The following ASCC3 variants were observed in gnomAD, a reference collection of about 807,000 sequenced individuals.
ASCC3 encodes activating signal cointegrator 1 complex subunit 3.
Under a neutral mutation model 256.3 loss-of-function variants are expected in ASCC3, and 158 were observed. The observed-to-expected ratio is 0.62, with a 90% CI of 0.54 to 0.70. ASCC3 has a LOEUF of 0.70. ASCC3 is among the 30% of genes least tolerant of loss of function. The pLI is 0.00. For missense variants in ASCC3, 2,259 were observed against 2,626.0 expected (o/e 0.86, Z 3.05); for synonymous variants, 948 against 883.4 (o/e 1.07, Z -1.30).
At chr6:100,875,257 G>A (rs140014953) in intron 1 of ASCC3, among the ~76,000 whole-genome samples, 1 of 152,326 alleles carries the variant, frequency 6.6e-6, no homozygotes, top group Non-Finnish European at 1.5e-5. Context: ...TTTAAAGAAG[G>A]AGAAAGGAGC....
intron 13 of ASCC3, among the ~76,000 whole-genome samples, chr6:100,692,979 C>A (rs1582707578): frequency 6.6e-6 from 1 of 151,644 alleles, no homozygotes; most frequent in Admixed American, 6.6e-5. Context: ...ATATAACCTA[C>A]AATTTAAGGA....
chr6:100,809,483 A>G (rs969109634), intron 4 of ASCC3, among the ~76,000 whole-genome samples: 2 of 152,104 alleles, frequency 1.3e-5, no homozygotes, highest in Admixed American at 1.3e-4. Flanking sequence ...CAGTTCTATT[A>G]TAATCTTACA....
At chr6:100,640,709 A>G (rs1177450199) in intron 24 of ASCC3, among the ~76,000 whole-genome samples, 1 of 152,214 alleles carries the variant, frequency 6.6e-6, no homozygotes, top group Non-Finnish European at 1.5e-5. Flanking sequence ...ATCACTAGAT[A>G]CTACAATCTC....
intron 8 of ASCC3, among the ~76,000 whole-genome samples, chr6:100,767,729 C>T (rs1487721175): frequency 1.3e-5 from 2 of 151,930 alleles, no homozygotes; most frequent in Admixed American, 6.6e-5. Context: ...CTGCCTCAGC[C>T]TCCCGAGTAG....
chr6:100,531,152 A>C, intron 37 of ASCC3: 52 of 739,156 alleles, frequency 7.0e-5, no homozygotes, highest in Non-Finnish European at 9.3e-5. Context: ...ATCAATTCTC[A>C]CAATTCAGAC....
intron 14 of ASCC3, among the ~76,000 whole-genome samples, chr6:100,670,212 T>A (rs1471556525): frequency 6.6e-6 from 1 of 151,954 alleles, no homozygotes; most frequent in African/African-American, 2.4e-5. Context: ...TGAAGTACCA[T>A]TTTTTGCCTG....
intron 14 of ASCC3, among the ~76,000 whole-genome samples, chr6:100,676,762 T>TCACACACA (rs75606780): frequency 1.3e-5 from 2 of 150,628 alleles, no homozygotes; most frequent in African/African-American, 4.9e-5. Context: ...ACACACACAC[T>TCACACACA]CACACACACA....
chr6:100,835,776 A>G (rs903370216), intron 4 of ASCC3, among the ~76,000 whole-genome samples: 1 of 152,022 alleles, frequency 6.6e-6, no homozygotes, highest in East Asian at 1.9e-4. Context: ...TGTTTTTTCT[A>G]TTTCTGTAAA....
intron 13 of ASCC3, among the ~76,000 whole-genome samples, chr6:100,714,305 G>C (rs1195773714): frequency 6.6e-6 from 1 of 152,020 alleles, no homozygotes; most frequent in East Asian, 1.9e-4. Context: ...TTTAAAGAAA[G>C]AATATTGGCA....
intron 10 of ASCC3, among the ~76,000 whole-genome samples, chr6:100,748,233 C>T (rs1254994715): frequency 6.6e-6 from 1 of 151,602 alleles, no homozygotes; most frequent in East Asian, 1.9e-4. Context: ...TTGTAAGAGC[C>T]AGGCCTAGTT....
intron 30 of ASCC3, among the ~76,000 whole-genome samples, chr6:100,612,038 C>G (rs1229553745): frequency 1.3e-5 from 2 of 151,886 alleles, no homozygotes; most frequent in Non-Finnish European, 2.9e-5. Context: ...TTATACGTAA[C>G]AGAAAAACAG....
At chr6:100,509,827 G>GCAGTGAGCAGAGATCGCGCCAC (rs1773668700) in intron 41 of ASCC3, 105 bp downstream of exon 41, 5 of 1,170,450 alleles carry the variant, frequency 4.3e-6, no homozygotes, top group African/African-American at 1.6e-5. Flanking sequence ...GGCGGAGCTT[G>GCAGTGAGCAGAGATCGCGCCAC]CAGTGAGCAG....
At chr6:100,615,820 T>C (rs1773640865) in intron 30 of ASCC3, among the ~76,000 whole-genome samples, 1 of 152,202 alleles carries the variant, frequency 6.6e-6, no homozygotes. Flanking sequence ...AAACATTCAG[T>C]GCTCAGCAAA....
chr6:100,579,879 T>C (rs1771112223), intron 36 of ASCC3, among the ~76,000 whole-genome samples: 1 of 152,170 alleles, frequency 6.6e-6, no homozygotes, highest in South Asian at 2.1e-4. Flanking sequence ...ATTGGTAGTT[T>C]GTTAGAGATA....
chr6:100,784,713 T>G (rs1782610458), intron 8 of ASCC3, among the ~76,000 whole-genome samples: 1 of 152,074 alleles, frequency 6.6e-6, no homozygotes, highest in Non-Finnish European at 1.5e-5. Flanking sequence ...AAAGACATTT[T>G]CACTTTCTAT....
At chr6:100,770,556 T>C (rs1781868550) in intron 8 of ASCC3, among the ~76,000 whole-genome samples, 1 of 151,946 alleles carries the variant, frequency 6.6e-6, no homozygotes, top group South Asian at 2.1e-4. Flanking sequence ...AAAATACCTG[T>C]ATTTAGAGAT....
At chr6:100,794,453 C>G (rs985779040) in intron 8 of ASCC3, among the ~76,000 whole-genome samples, 1 of 152,050 alleles carries the variant, frequency 6.6e-6, no homozygotes, top group African/African-American at 2.4e-5. Flanking sequence ...TGTATGCTTT[C>G]ATATCCTTCA....
intron 10 of ASCC3, among the ~76,000 whole-genome samples, chr6:100,765,232 A>G (rs1413507085): frequency 6.6e-6 from 1 of 152,146 alleles, no homozygotes; most frequent in Non-Finnish European, 1.5e-5. Context: ...TAGACCAATG[A>G]TAAAATTCTA....
intron 4 of ASCC3, among the ~76,000 whole-genome samples, chr6:100,835,317 T>C (rs1425694660): frequency 3.9e-5 from 6 of 152,158 alleles, no homozygotes; most frequent in African/African-American, 1.4e-4. Flanking sequence ...TTATTGCTTA[T>C]GATTTGGGGG....
Sources: allele counts gnomAD v4.1 joint callset (sites outside exome capture counted in the v4.1 genomes callset), GRCh38; gene constraint gnomAD v4.1.1; transcripts MANE v1.5; gene names NCBI Gene and HGNC (gene_info 2026-07-23, HGNC 2026-07-21).